ARHGAP24: variants seen among roughly 807,000 people sequenced by gnomAD.
ARHGAP24 encodes rho GTPase-activating protein 24.
Under a neutral mutation model 76.4 loss-of-function variants are expected in ARHGAP24, and 50 were observed. That is an observed-to-expected ratio of 0.65 (90% CI 0.52 to 0.83). The LOEUF (loss-of-function observed/expected upper bound fraction) is 0.83, where lower values mean the gene tolerates loss of function less well. ARHGAP24 is among the 40% of genes least tolerant of loss of function. ARHGAP24 has a pLI of 0.00. For missense variants in ARHGAP24, 930 were observed against 914.2 expected (o/e 1.02, Z -0.22); for synonymous variants, 345 against 323.3 (o/e 1.07, Z -0.72).
chr4:85,745,895 G>T (rs1381074928), intron 3 of ARHGAP24, among the ~76,000 whole-genome samples: 2 of 151,982 alleles, frequency 1.3e-5, no homozygotes, highest in African/African-American at 4.8e-5. Context: ...TCTGCAGCAT[G>T]ATGCTAGGTA....
At chr4:85,885,645 CT>C (rs1363762605) in intron 3 of ARHGAP24, among the ~76,000 whole-genome samples, 1 of 151,994 alleles carries the variant, frequency 6.6e-6, no homozygotes, top group Non-Finnish European at 1.5e-5. Context: ...TTATTTATAT[CT>C]TTTAAAATTA....
At chr4:85,666,278 A>T (rs372312507) in intron 2 of ARHGAP24, among the ~76,000 whole-genome samples, 1 of 151,842 alleles carries the variant, frequency 6.6e-6, no homozygotes, top group African/African-American at 2.4e-5. Context: ...ATCTTCCATC[A>T]CTGATACCCT....
At chr4:85,814,482 G>C (rs1213957856) in intron 3 of ARHGAP24, among the ~76,000 whole-genome samples, 1 of 152,158 alleles carries the variant, frequency 6.6e-6, no homozygotes, top group African/African-American at 2.4e-5. Flanking sequence ...CCAAAACAAA[G>C]GGACTACAGA....
rs60002814 is a variant in ARHGAP24 at position 85,931,054 on chromosome 4, AT to A, written c.391+7285del. ...TAGTTTTCGGAAAGGTAGGTAGATA[AT>A]ATGTTCATGTCCTTTTTATAAATAT... On this transcript the variant is annotated intron_variant, in intron 4 of 9. Transcript: ENST00000395184. The A allele has an allele frequency of 0.18, 286,914 of 1,610,554 alleles. 28,028 individuals are homozygous for A. Among genetic ancestry groups the A allele is most frequent in the South Asian group, 0.32 (29,431 of 90,806 alleles).
chr4:85,516,472 T>A (rs867763086), intron 1 of ARHGAP24, among the ~76,000 whole-genome samples: 5 of 152,316 alleles, frequency 3.3e-5, no homozygotes, highest in Non-Finnish European at 2.9e-5. Flanking sequence ...AAAGTTGCAG[T>A]TTCCAAGAAC....
At chr4:85,709,749 C>T (rs1473280236) in intron 2 of ARHGAP24, among the ~76,000 whole-genome samples, 1 of 152,036 alleles carries the variant, frequency 6.6e-6, no homozygotes, top group East Asian at 1.9e-4. Context: ...AAGACACAAA[C>T]CAAATCAGGA....
intron 8 of ARHGAP24, chr4:85,992,047 A>G (rs948366496): frequency 1.0e-5 from 4 of 396,538 alleles, no homozygotes; most frequent in African/African-American, 6.2e-5. Flanking sequence ...TCAGGGAAGA[A>G]TTGCTGGATC....
At chr4:85,620,120 C>G (rs1486239947) in intron 2 of ARHGAP24, among the ~76,000 whole-genome samples, 1 of 151,638 alleles carries the variant, frequency 6.6e-6, no homozygotes, top group Admixed American at 6.6e-5. Flanking sequence ...GATTTTTATT[C>G]TTTACGTGTA....
At position 85,994,624 on chromosome 4, in the gene ARHGAP24, A is replaced by C; in HGVS notation, c.970A>C (p.Lys324Gln). ...VQQLMSVMIS[K>Q]HDCLFPKDAE... ...GCAGTTGATGTCAGTGATGATTAGC[A>C]AACATGATTGCCTCTTTCCCAAAGA... Residue 324 changes from lysine to glutamine, a missense_variant, in exon 9 of 10, where the codon AAA becomes CAA. Physicochemically the swap from Lys to Gln is moderately conservative, Grantham distance 53. Transcript: ENST00000395184. 1 of 1,614,220 alleles carries C rather than the reference A, an allele frequency of 6.2e-7. No homozygotes were observed. The highest frequency in any genetic ancestry group is 1.7e-5 in the Admixed American group (1 of 60,026).
At chr4:85,643,477 C>A (rs571693678) in intron 2 of ARHGAP24, among the ~76,000 whole-genome samples, 1 of 79,778 alleles carries the variant, frequency 1.3e-5, no homozygotes, top group Non-Finnish European at 2.8e-5. Context: ...CCAGGATGGT[C>A]TCGATCTCCT....
chr4:85,534,755 G>A (rs17010377), intron 1 of ARHGAP24, among the ~76,000 whole-genome samples: 2,776 of 151,942 alleles, frequency 0.018, 42 homozygotes, highest in African/African-American at 0.035. Flanking sequence ...CAGACGCTTC[G>A]TCACCAGGAT....
At chr4:85,836,521 A>G (rs1285076914) in intron 3 of ARHGAP24, among the ~76,000 whole-genome samples, 3 of 152,140 alleles carry the variant, frequency 2.0e-5, no homozygotes, top group African/African-American at 7.2e-5. Flanking sequence ...GTGCATATCT[A>G]TCACTGTGTC....
intron 3 of ARHGAP24, among the ~76,000 whole-genome samples, chr4:85,724,633 G>A (rs974044496): frequency 9.9e-5 from 15 of 151,442 alleles, no homozygotes; most frequent in Admixed American, 4.0e-4. Context: ...ATAAAATTGA[G>A]CGTCTCAGGT....
In ARHGAP24 at chr4:85,826,220, T is replaced by A. The variant is rs532533998; in HGVS notation, c.269-97428T>A. 2.0e-5 allele frequency among the ~76,000 whole-genome samples: 3 copies of A among 152,326 alleles called. No individual in the cohort carries two copies. The South Asian group carries it at 6.2e-4, about 32-fold the overall frequency. The stretch of plus-strand genomic sequence containing the variant: ...AGAGAAATTAGCATGAATGCCCAGA[T>A]GCATTTGTTACTGAATAACTCAGCA... On this transcript the variant is annotated intron_variant, in intron 3 of 9. Coordinates refer to ENST00000395184, the MANE Select transcript of ARHGAP24 (RefSeq NM_001025616.3).
intron 6 of ARHGAP24, among the ~76,000 whole-genome samples, chr4:85,974,374 G>T (rs1317316246): frequency 6.6e-6 from 1 of 152,086 alleles, no homozygotes; most frequent in South Asian, 2.1e-4. Flanking sequence ...CATTTTAGGG[G>T]AAGTCATATA....
intron 2 of ARHGAP24, among the ~76,000 whole-genome samples, chr4:85,581,547 G>A (rs1344191269): frequency 1.3e-5 from 2 of 152,130 alleles, no homozygotes; most frequent in African/African-American, 2.4e-5. Flanking sequence ...AGTTGTAAAT[G>A]CTGTAGTACT....
chr4:85,549,844 A>T (rs1021102662), intron 1 of ARHGAP24, among the ~76,000 whole-genome samples: 1 of 152,178 alleles, frequency 6.6e-6, no homozygotes, highest in Non-Finnish European at 1.5e-5. Context: ...CCCACATATA[A>T]GTGAGAACAT....
At chr4:85,884,673 C>T (rs940272722) in intron 3 of ARHGAP24, among the ~76,000 whole-genome samples, 7 of 152,050 alleles carry the variant, frequency 4.6e-5, no homozygotes, top group East Asian at 1.9e-4. Flanking sequence ...AAGATTGAAT[C>T]GGAAACTATC....
chr4:85,519,391 A>C (rs948929690), intron 1 of ARHGAP24, among the ~76,000 whole-genome samples: 1 of 152,160 alleles, frequency 6.6e-6, no homozygotes, highest in African/African-American at 2.4e-5. Flanking sequence ...ACCCAGGACT[A>C]CCTGGCTCTC....
Sources: allele counts gnomAD v4.1 joint callset (sites outside exome capture counted in the v4.1 genomes callset), GRCh38; gene constraint gnomAD v4.1.1; transcripts MANE v1.5; gene names NCBI Gene and HGNC (gene_info 2026-07-23, HGNC 2026-07-21).